EIF4G3: variants seen among roughly 807,000 people sequenced by gnomAD.
EIF4G3 encodes eIF-4-gamma 3.
In EIF4G3, 34 loss-of-function variants were observed where a neutral mutation model predicts 186.4. The observed-to-expected ratio is 0.18, with a 90% CI of 0.14 to 0.24. EIF4G3 has a LOEUF of 0.24. Ranked by LOEUF, EIF4G3 falls within the 10% of genes least tolerant of loss-of-function variation. The pLI, the probability that EIF4G3 is intolerant of heterozygous loss-of-function variation, is 1.00. For missense variants in EIF4G3, 1,536 were observed against 1,948.5 expected, an observed-to-expected ratio of 0.79 and a Z score of 3.99; for synonymous variants, 673 against 679.5, an observed-to-expected ratio of 0.99 and a Z score of 0.15.
chr1:21,085,832 T>C (rs1004286335), intron 3 of EIF4G3, among the ~76,000 whole-genome samples: 1 of 152,182 alleles, frequency 6.6e-6, no homozygotes, highest in African/African-American at 2.4e-5. Context: ...TAGCTGGGAC[T>C]ACAGGTTCAC....
chr1:20,814,863 G>A (rs1347813604), intron 34 of EIF4G3, among the ~76,000 whole-genome samples: 1 of 114,904 alleles, frequency 8.7e-6, no homozygotes, highest in Non-Finnish European at 1.8e-5. Context: ...CTGCCATCTC[G>A]GCTCACTGCA....
At chr1:21,011,552 T>C (rs955864164) in intron 4 of EIF4G3, among the ~76,000 whole-genome samples, 1 of 152,202 alleles carries the variant, frequency 6.6e-6, no homozygotes, top group Non-Finnish European at 1.5e-5. Context: ...TTTAGTTCTA[T>C]GCAATTTTAT....
chr1:20,942,041 G>T lies in EIF4G3; in HGVS notation c.1113C>A (p.Ser371Arg). Reference sequence around the variant, plus strand: ...CTGATGTTTCTGTGCAAGATGTGAGGCTGGGTATAGGAATTGTGTCTTCTC... The same window carrying T: ...CTGATGTTTCTGTGCAAGATGTGAGTCTGGGTATAGGAATTGTGTCTTCTC... ...SPREDTIPIP[S>R]LTSCTETSDP... is the part of the protein sequence containing the mutation. Residue 371 changes from serine (S) to arginine (R), a missense_variant, in exon 14 of 37, where the codon AGC becomes AGA. By Grantham distance (110) the Ser-to-Arg change is moderately radical. Around this residue, in one of 11 missense-constraint regions of EIF4G3, gnomAD observed 560 missense variants for 547.8 expected, o/e 1.02. Transcript: ENST00000602326. 6.2e-7 allele frequency: 1 copy of T among 1,614,128 alleles called. No homozygotes were observed. The highest frequency in any genetic ancestry group is 8.5e-7 in the Non-Finnish European group (1 of 1,179,990).
chr1:21,067,102 A>G (rs1273865590), intron 3 of EIF4G3, among the ~76,000 whole-genome samples: 1 of 151,710 alleles, frequency 6.6e-6, no homozygotes, highest in Non-Finnish European at 1.5e-5. Flanking sequence ...GTAATCAGGT[A>G]AATACATATT....
At chr1:20,895,335 A>G in intron 17 of EIF4G3, 33 bp downstream of exon 17, 1 of 1,596,228 alleles carries the variant, frequency 6.3e-7, no homozygotes, top group Non-Finnish European at 8.6e-7. Flanking sequence ...TTCCCACCAA[A>G]AAGAACTAGT....
At chr1:20,919,781 T>C (rs1222470706) in intron 14 of EIF4G3, among the ~76,000 whole-genome samples, 1 of 152,210 alleles carries the variant, frequency 6.6e-6, no homozygotes, top group East Asian at 1.9e-4. Flanking sequence ...GAAGCAATAC[T>C]ATTTTTTAGA....
chr1:21,112,217 G>A (rs2096738632), intron 2 of EIF4G3, among the ~76,000 whole-genome samples: 1 of 152,012 alleles, frequency 6.6e-6, no homozygotes, highest in Admixed American at 6.6e-5. Flanking sequence ...TCATCCTGTA[G>A]TCATCATTCT....
chr1:21,171,544 TTGCCTC>T (rs1177403822), intron 2 of EIF4G3, among the ~76,000 whole-genome samples: 5 of 152,312 alleles, frequency 3.3e-5, no homozygotes, highest in African/African-American at 7.2e-5. Context: ...AACTGCTGCT[TTGCCTC>T]TGCCTCTGCC....
At chr1:21,056,650 G>A (rs1337568573) in intron 3 of EIF4G3, among the ~76,000 whole-genome samples, 1 of 152,100 alleles carries the variant, frequency 6.6e-6, no homozygotes. Flanking sequence ...CTAGCTAAGG[G>A]TTCTTCTCTC....
chr1:21,153,342 A>G (rs1021536897), intron 2 of EIF4G3, among the ~76,000 whole-genome samples: 18 of 152,202 alleles, frequency 1.2e-4, no homozygotes, highest in African/African-American at 4.1e-4. Flanking sequence ...ACTATCTACT[A>G]TGACAGCTAC....
At chr1:21,008,421 C>G (rs1416811086) in intron 4 of EIF4G3, among the ~76,000 whole-genome samples, 1 of 152,114 alleles carries the variant, frequency 6.6e-6, no homozygotes, top group Non-Finnish European at 1.5e-5. Flanking sequence ...ACTGCAACCT[C>G]CCCCTCCTGG....
chr1:20,942,467 T>G (rs1006746907), intron 13 of EIF4G3, 137 bp from the exon 14 acceptor site: 1 of 741,194 alleles, frequency 1.3e-6, no homozygotes, highest in African/African-American at 1.8e-5. Flanking sequence ...TATTCTGGTA[T>G]GCCAAAAACA....
At chr1:21,069,796 C>T (rs979042757) in intron 3 of EIF4G3, among the ~76,000 whole-genome samples, 3 of 152,130 alleles carry the variant, frequency 2.0e-5, no homozygotes, top group Non-Finnish European at 4.4e-5. Context: ...AAAGCAGCAG[C>T]AGCATCTGGA....
chr1:21,051,017 T>A, intron 3 of EIF4G3, 23 bp from the exon 4 acceptor site: 1 of 716,976 alleles, frequency 1.4e-6, no homozygotes, highest in Middle Eastern at 2.3e-4. Flanking sequence ...CAATATTTAG[T>A]AAGAACATTA....
intron 2 of EIF4G3, among the ~76,000 whole-genome samples, chr1:21,170,231 T>G (rs1403393071): frequency 6.6e-6 from 1 of 152,014 alleles, no homozygotes; most frequent in Non-Finnish European, 1.5e-5. Context: ...ATTTACAGAC[T>G]GCCTACTGTC....
intron 14 of EIF4G3, among the ~76,000 whole-genome samples, chr1:20,921,271 AT>A (rs1284297634): frequency 6.6e-6 from 1 of 152,220 alleles, no homozygotes; most frequent in Non-Finnish European, 1.5e-5. Context: ...TTGATGTAGA[AT>A]TTAAAGGTAG....
chr1:20,908,979 G>A (rs1336672690), intron 14 of EIF4G3, among the ~76,000 whole-genome samples: 1 of 151,850 alleles, frequency 6.6e-6, no homozygotes, highest in Non-Finnish European at 1.5e-5. Flanking sequence ...TGGTGAAACC[G>A]TGCCTCTACT....
intron 2 of EIF4G3, among the ~76,000 whole-genome samples, chr1:21,150,744 A>G (rs1481866993): frequency 6.6e-6 from 1 of 152,348 alleles, no homozygotes; most frequent in East Asian, 1.9e-4. Context: ...TGGGAGGCCG[A>G]GGCGGGTGGA....
At chr1:21,043,689 C>T (rs1400132037) in intron 4 of EIF4G3, among the ~76,000 whole-genome samples, 1 of 151,930 alleles carries the variant, frequency 6.6e-6, no homozygotes, top group Non-Finnish European at 1.5e-5. Flanking sequence ...CTCAGGAGTT[C>T]GAGACCAGCC....
Sources: gnomAD v4.1 joint callset for allele counts (sites outside exome capture counted in the v4.1 genomes callset) on GRCh38, gnomAD v4.1.1 for gene constraint, gnomAD v4.1.1 regional missense constraint, MANE v1.5 for transcripts, NCBI Gene and HGNC (gene_info 2026-07-23, HGNC 2026-07-21) for gene names.